The following PHF5A variants were observed in gnomAD, a reference collection of about 807,000 sequenced individuals.
PHF5A encodes PHD finger protein 5A.
For missense variants in PHF5A, 24 were observed against 140.6 expected, an observed-to-expected ratio of 0.17 and a Z score of 4.19; for synonymous variants, 52 against 46.0, an observed-to-expected ratio of 1.13 and a Z score of -0.52.
At chr22:41,467,352 A>ACC (rs768421964) in intron 3 of PHF5A, 96 bp downstream of exon 3, 71 of 1,205,396 alleles carry the variant, frequency 5.9e-5, no homozygotes, top group Middle Eastern at 2.8e-4. Flanking sequence ...GACTAGATGA[A>ACC]CACAGTAATC....
intron 3 of PHF5A, among the ~76,000 whole-genome samples, chr22:41,465,638 T>C (rs569396581): frequency 7.3e-4 from 111 of 152,190 alleles, no homozygotes; most frequent in Non-Finnish European, 1.3e-3. Context: ...TCCCAGCACT[T>C]CGGGAGGCCC....
intron 2 of PHF5A, 70 bp downstream of exon 2, chr22:41,468,054 C>T: frequency 6.5e-7 from 1 of 1,545,774 alleles, no homozygotes; most frequent in African/African-American, 1.4e-5. Context: ...CTCTTTGTGG[C>T]ACTTTTGCTG....
chr22:41,468,161 G>T lies in PHF5A; in HGVS notation c.53-14C>A. On this transcript the variant is annotated splice_polypyrimidine_tract_variant and intron_variant, in intron 1 of 3. Coordinates refer to ENST00000216252, the MANE Select transcript of PHF5A (RefSeq NM_032758.4). ...GTCTTCCGATGGCTGCAAGATGAAA[G>T]ATGGTAAAAAGTACAATTAGAATAA... 1 of 1,613,840 alleles carries T rather than the reference G, an allele frequency of 6.2e-7. No homozygotes were observed. The highest frequency in any genetic ancestry group is 1.7e-5 in the Admixed American group (1 of 59,974).
intron 3 of PHF5A, among the ~76,000 whole-genome samples, chr22:41,466,005 C>T (rs1411746915): frequency 6.6e-6 from 1 of 152,172 alleles, no homozygotes; most frequent in Non-Finnish European, 1.5e-5. Flanking sequence ...ATAATAATCC[C>T]TATTTCACAA....
intron 3 of PHF5A, among the ~76,000 whole-genome samples, chr22:41,463,768 C>T (rs2037845099): frequency 6.9e-6 from 1 of 145,978 alleles, no homozygotes; most frequent in African/African-American, 2.6e-5. Flanking sequence ...GTGGCATGTG[C>T]CTGTAATCCC....
At chr22:41,462,585 G>A (rs775422365) in intron 3 of PHF5A, among the ~76,000 whole-genome samples, 3 of 152,192 alleles carry the variant, frequency 2.0e-5, no homozygotes, top group Non-Finnish European at 4.4e-5. Flanking sequence ...TGCCTCTCCT[G>A]GACAAAGGCC....
At chr22:41,466,057 C>T (rs2037864273) in intron 3 of PHF5A, among the ~76,000 whole-genome samples, 1 of 152,136 alleles carries the variant, frequency 6.6e-6, no homozygotes, top group Admixed American at 6.5e-5. Context: ...CTATAAAAGA[C>T]CTATTCTTCG....
In PHF5A at chr22:41,467,532, A is replaced by G. The variant is rs2037878032; in HGVS notation, c.159T>C (p.Ser53=). 4 of 1,614,228 alleles carry G rather than the reference A, an allele frequency of 2.5e-6. No individual in the cohort carries two copies. The highest frequency in any genetic ancestry group is 3.4e-6 in the Non-Finnish European group (4 of 1,180,044). ...VRICDECNYG[S]YQGRCVICGG... is the part of the protein sequence containing the mutation. ...CACAGATCACACAGCGCCCCTGGTA[A>G]GATCCATAGTTACACTCATCACATA... is the stretch of plus-strand genomic sequence containing the variant. The change falls in exon 3 of 4, where the codon TCT becomes TCC. Residue 53 remains serine, a synonymous_variant. Coordinates refer to ENST00000216252, the MANE Select transcript of PHF5A (RefSeq NM_032758.4).
chr22:41,468,086 G>C (rs2037886493), intron 2 of PHF5A, 38 bp downstream of exon 2: 1 of 1,611,584 alleles, frequency 6.2e-7, no homozygotes, highest in Non-Finnish European at 8.5e-7. Context: ...AACTGGGAGT[G>C]GGAAGGGTGG....
chr22:41,460,520 T>C (rs948449480), intron 3 of PHF5A, 33 bp from the exon 4 acceptor site: 15 of 1,544,744 alleles, frequency 9.7e-6, no homozygotes, highest in African/African-American at 1.4e-5. Context: ...TGTTAAGTCT[T>C]TGAGCCTGAA....
chr22:41,460,130 T>G lies in PHF5A; in HGVS notation c.*268A>C. The stretch of plus-strand genomic sequence containing the variant: ...AGAACATACCAATATGGAGAACAGA[T>G]CTTTGCTTCTCGAATTCAAGAAAAA... On this transcript the variant is annotated 3_prime_UTR_variant, in exon 4 of 4. Coordinates refer to ENST00000216252, the MANE Select transcript of PHF5A (RefSeq NM_032758.4). 1 of 285,366 alleles carries G rather than the reference T, an allele frequency of 3.5e-6. No homozygotes were observed. The highest frequency in any genetic ancestry group is 6.0e-5 in the East Asian group (1 of 16,696). 17.7% of individuals were successfully genotyped at this position (285,366 alleles called of 1,614,324 possible).
chr22:41,463,416 C>T (rs1214807134), intron 3 of PHF5A, among the ~76,000 whole-genome samples: 3 of 151,470 alleles, frequency 2.0e-5, no homozygotes, highest in Admixed American at 6.6e-5. Flanking sequence ...TATGGTGAAA[C>T]CCCATTTCTA....
At chr22:41,461,698 C>T (rs1376745101) in intron 3 of PHF5A, among the ~76,000 whole-genome samples, 4 of 151,860 alleles carry the variant, frequency 2.6e-5, no homozygotes, top group Non-Finnish European at 4.4e-5. Flanking sequence ...GAGTCTTGCT[C>T]TGTTGCCAAG....
intron 1 of PHF5A, 80 bp downstream of exon 1, chr22:41,468,522 A>G: frequency 6.7e-7 from 1 of 1,493,670 alleles, no homozygotes; most frequent in Non-Finnish European, 9.3e-7. Context: ...CAAGCCCCTA[A>G]GGAAGAGACG....
chr22:41,468,244 G>T, intron 1 of PHF5A, 97 bp from the exon 2 acceptor site: 1 of 1,209,256 alleles, frequency 8.3e-7, no homozygotes, highest in South Asian at 1.3e-5. Flanking sequence ...CATGAGTAAG[G>T]ACTGCAGTGA....
rs559994275 is a variant in PHF5A at position 41,467,871 on chromosome 22, C to T, written c.76+253G>A. 13 of 605,648 alleles carry T rather than the reference C, an allele frequency of 2.1e-5. No individual in the cohort carries two copies. The East Asian group carries it at 3.0e-4, about 14-fold the overall frequency. The allele number at this position is 605,648 out of a possible 1,614,324, so 37.5% of individuals were successfully genotyped here. A position where few individuals can be genotyped will look rare whatever the true frequency, so the allele number is the denominator to read the frequency against. On this transcript the variant is annotated intron_variant, in intron 2 of 3. Transcript: ENST00000216252. ...CGGAGATGATAAGCCTGTATAATTG[C>T]TGGCAAAGTGCTGTGTGTTGGGGAG...
intron 3 of PHF5A, among the ~76,000 whole-genome samples, chr22:41,460,789 GGTTT>G (rs1223713810): frequency 6.6e-6 from 1 of 151,918 alleles, no homozygotes; most frequent in East Asian, 1.9e-4. Flanking sequence ...TCAATAAATG[GGTTT>G]GTAAATGTGT....
chr22:41,467,192 C>T (rs2146064945), intron 3 of PHF5A, among the ~76,000 whole-genome samples: 1 of 152,150 alleles, frequency 6.6e-6, no homozygotes, highest in South Asian at 2.1e-4. Flanking sequence ...TAAGAATAAC[C>T]ACAGAGACAT....
At chr22:41,465,136 T>G (rs1253963496) in intron 3 of PHF5A, among the ~76,000 whole-genome samples, 1 of 152,164 alleles carries the variant, frequency 6.6e-6, no homozygotes, top group Non-Finnish European at 1.5e-5. Flanking sequence ...TTCAGGACCT[T>G]TCTCATCTCC....
Sources: allele counts gnomAD v4.1 joint callset (sites outside exome capture counted in the v4.1 genomes callset), GRCh38; gene constraint gnomAD v4.1.1; transcripts MANE v1.5; gene names NCBI Gene and HGNC (gene_info 2026-07-23, HGNC 2026-07-21).